PIK3R6: variants seen among roughly 807,000 people sequenced by gnomAD.
PIK3R6 encodes the protein phosphoinositide 3-kinase regulatory subunit 6.
A neutral mutation model predicts 84.9 loss-of-function variants in PIK3R6; 91 were observed. The ratio of observed to expected loss-of-function variants is 1.07; its 90% CI spans 0.90 to 1.28. The LOEUF is 1.28. PIK3R6 is among the 50% of genes most tolerant of loss of function. The pLI is 0.00. For missense variants in PIK3R6, 996 were observed against 985.1 expected, an observed-to-expected ratio of 1.01 and a Z score of -0.15; for synonymous variants, 416 against 411.4, an observed-to-expected ratio of 1.01 and a Z score of -0.13.
chr17:8,864,826 C>T (rs368666545), intron 1 of PIK3R6, among the ~76,000 whole-genome samples: 25 of 152,142 alleles, frequency 1.6e-4, no homozygotes, highest in African/African-American at 4.1e-4. Context: ...CGTGAGCCAC[C>T]GCACCCAGCC....
chr17:8,833,367 G>A (rs2088329388), intron 8 of PIK3R6, among the ~76,000 whole-genome samples: 1 of 152,186 alleles, frequency 6.6e-6, no homozygotes, highest in Admixed American at 6.5e-5. Context: ...CAATGTTCTA[G>A]CCCCCACTAG....
rs72259680 is a variant in PIK3R6, at chr17:8,819,921, T to TTA, written c.1880-725_1880-724dup. ...ATGTGTATACATACATATATATATT[T>TTA]TATATATATATATATATTTTTATAT... On this transcript the variant is annotated intron_variant, in intron 17 of 19. Transcript: ENST00000619866. Among the ~76,000 whole-genome samples the TTA allele has an allele frequency of 1.7e-3, 233 of 136,232 alleles. 2 individuals carry two copies. Among genetic ancestry groups the TTA allele is most frequent in the Middle Eastern group, 7.5e-3 (2 of 266 alleles). The allele number at this position is 136,232 out of a possible 152,430, so 89.4% of individuals were successfully genotyped here.
intron 1 of PIK3R6, among the ~76,000 whole-genome samples, chr17:8,851,256 G>A (rs1597433574): frequency 6.6e-6 from 1 of 152,074 alleles, no homozygotes; most frequent in Non-Finnish European, 1.5e-5. Context: ...CCAGCATTTT[G>A]GGAGGCCGAG....
intron 17 of PIK3R6, among the ~76,000 whole-genome samples, chr17:8,819,879 T>C (rs1057032233): frequency 6.8e-6 from 1 of 146,786 alleles, no homozygotes; most frequent in African/African-American, 2.5e-5. Context: ...TATGTATATA[T>C]ACACACACAC....
chr17:8,829,641 T>C (rs536774575), intron 10 of PIK3R6, 65 bp downstream of exon 10: 20 of 1,457,556 alleles, frequency 1.4e-5, no homozygotes, highest in East Asian at 5.0e-5. Flanking sequence ...CACACACTCA[T>C]GCACGCATAC....
intron 15 of PIK3R6, 100 bp from the exon 16 acceptor site, chr17:8,822,757 C>G: frequency 8.2e-7 from 1 of 1,224,324 alleles, no homozygotes; most frequent in South Asian, 1.3e-5. Context: ...CTGGGTTTAC[C>G]CATCCATCCA....
chr17:8,867,461 G>A (rs545815413), intron 1 of PIK3R6, 68 bp downstream of exon 1: 24 of 236,426 alleles, frequency 1.0e-4, no homozygotes, highest in Admixed American at 4.1e-4. Context: ...AGGTCCCTCC[G>A]TTCCACCCCT....
intron 18 of PIK3R6, among the ~76,000 whole-genome samples, chr17:8,810,877 C>T (rs1393059767): frequency 1.3e-5 from 2 of 148,644 alleles, no homozygotes; most frequent in Non-Finnish European, 2.9e-5. Flanking sequence ...TTTCTAGGCA[C>T]ACGTGCAAGC....
Position 8,828,558 on chromosome 17 carries a change from G to A in PIK3R6, c.1313+9C>T. The A allele has an allele frequency of 6.2e-7, 1 of 1,611,060 alleles. No individual in the cohort carries two copies. The highest frequency in any genetic ancestry group is 8.5e-7 in the Non-Finnish European group (1 of 1,179,320). On this transcript the variant is annotated intron_variant, in intron 11 of 19. Transcript: ENST00000619866. Reference sequence around the variant, plus strand: ...GCGCCCACCCCCAGCCCCCACGTCGGGGCCCCACCTGAGTCTGTGGTAGGC... The same window carrying A: ...GCGCCCACCCCCAGCCCCCACGTCGAGGCCCCACCTGAGTCTGTGGTAGGC...
chr17:8,849,957 G>T (rs1245110828), intron 1 of PIK3R6, 72 bp from the exon 2 acceptor site: 2 of 861,802 alleles, frequency 2.3e-6, no homozygotes, highest in African/African-American at 3.4e-5. Context: ...AAATGGAGAA[G>T]CTCCTAAGGG....
intron 18 of PIK3R6, among the ~76,000 whole-genome samples, chr17:8,812,199 T>C (rs571213009): frequency 6.6e-6 from 1 of 152,264 alleles, no homozygotes; most frequent in East Asian, 1.9e-4. Flanking sequence ...CCTACCCCCA[T>C]GATTCAATTA....
At chr17:8,834,865 T>C (rs1275380714) in intron 8 of PIK3R6, among the ~76,000 whole-genome samples, 1 of 151,380 alleles carries the variant, frequency 6.6e-6, no homozygotes, top group Non-Finnish European at 1.5e-5. Context: ...GGAAATGGAG[T>C]CTCTCTCTGT....
chr17:8,805,383 G>A (rs990727231), intron 18 of PIK3R6, among the ~76,000 whole-genome samples: 7 of 152,190 alleles, frequency 4.6e-5, no homozygotes, highest in Admixed American at 6.5e-5. Context: ...CATGGACTCA[G>A]CAATGAAGTC....
Position 8,803,896 on chromosome 17 carries a change from A to C in PIK3R6, c.2108+145T>G, listed in dbSNP as rs1300624758. ...AAGCATAGGGCAGTGGCCTCTGTCC[A>C]TCCTCACCAAGGTTACCTGCCTGGC... On this transcript the variant is annotated intron_variant, in intron 19 of 19. Coordinates refer to ENST00000619866, the MANE Select transcript of PIK3R6 (RefSeq NM_001010855.4). This position sits in a 1 kb window ranked among gnomAD's most constrained non-coding sequence, Gnocchi z 5.0. 6 of 696,788 alleles carry C rather than the reference A, an allele frequency of 8.6e-6. No homozygotes were observed. Among genetic ancestry groups the C allele is most frequent in the African/African-American group, 1.8e-5 (1 of 56,208 alleles). The allele number at this position is 696,788 out of a possible 1,614,324, so 43.2% of individuals were successfully genotyped here.
At chr17:8,804,270 TCTC>T (rs2087134034) in intron 18 of PIK3R6, 117 bp from the exon 19 acceptor site, 8 of 793,410 alleles carry the variant, frequency 1.0e-5, no homozygotes, top group East Asian at 5.4e-5. Flanking sequence ...GGTCCCCAGC[TCTC>T]CTCCTGCAAG....
chr17:8,834,226 A>G (rs2088373635), intron 8 of PIK3R6, among the ~76,000 whole-genome samples: 1 of 149,968 alleles, frequency 6.7e-6, no homozygotes, highest in Non-Finnish European at 1.5e-5. Context: ...CATAGGGAGT[A>G]GCCAGCGCAA....
intron 1 of PIK3R6, among the ~76,000 whole-genome samples, chr17:8,854,998 G>A (rs998584056): frequency 6.6e-6 from 1 of 152,270 alleles, no homozygotes; most frequent in East Asian, 1.9e-4. Context: ...TTCAAGACTA[G>A]CCTGGCCAAT....
intron 1 of PIK3R6, among the ~76,000 whole-genome samples, chr17:8,865,703 C>T (rs2089393433): frequency 6.6e-6 from 1 of 151,952 alleles, no homozygotes; most frequent in South Asian, 2.1e-4. Flanking sequence ...TGAGGGGGCC[C>T]CCTCAACCTT....
rs1461942277 is a variant in PIK3R6 at position 8,838,560 on chromosome 17, T to A, written c.189+4A>T. 1 of 1,593,448 alleles carries A rather than the reference T, an allele frequency of 6.3e-7. No individual in the cohort carries two copies. The highest frequency in any genetic ancestry group is 1.3e-5 in the African/African-American group (1 of 74,518). On this transcript the variant is annotated splice_donor_region_variant and intron_variant, in intron 4 of 19. Coordinates refer to ENST00000619866, the MANE Select transcript of PIK3R6 (RefSeq NM_001010855.4). The stretch of plus-strand genomic sequence containing the variant: ...GTCTTCCTCCCTGAGGTCCAGGAAC[T>A]CACCTTCTCCAGTTCTCTGAGAAGA...
Sources: allele counts gnomAD v4.1 joint callset (sites outside exome capture counted in the v4.1 genomes callset), GRCh38; gene constraint gnomAD v4.1.1; non-coding constraint Gnocchi (gnomAD v3.1); transcripts MANE v1.5; gene names NCBI Gene and HGNC (gene_info 2026-07-23, HGNC 2026-07-21).